Variants in CRACD observed in about 807,000 individuals in gnomAD.
CRACD encodes the protein capping protein inhibiting regulator of actin dynamics.
In CRACD, 56 loss-of-function variants were observed where a neutral mutation model predicts 106.8. The observed-to-expected ratio is 0.52, with a 90% CI of 0.42 to 0.66. The LOEUF is 0.66. Ranked by LOEUF, CRACD falls within the 30% of genes least tolerant of loss-of-function variation. CRACD has a pLI of 0.00. For missense variants in CRACD, 1,730 were observed against 1,623.2 expected, an observed-to-expected ratio of 1.07 and a Z score of -1.13; for synonymous variants, 754 against 670.8, an observed-to-expected ratio of 1.12 and a Z score of -1.92.
In CRACD at chr4:56,330,516, T is replaced by A. The variant is rs555733269; in HGVS notation, c.*2712T>A. ...TAATGAAAATACCTTAGTGTGATTTTAATATAATTTGCATATTTTAGTTGT... is the reference window on the plus strand; with the variant it reads ...TAATGAAAATACCTTAGTGTGATTTAAATATAATTTGCATATTTTAGTTGT... On this transcript the variant is annotated 3_prime_UTR_variant, in exon 11 of 11. Coordinates refer to ENST00000682029, the MANE Select transcript of CRACD (RefSeq NM_001393381.1). 1.1e-4 allele frequency among the ~76,000 whole-genome samples: 16 copies of A among 152,332 alleles called. No individual in the cohort carries two copies. Among genetic ancestry groups the A allele is most frequent in the African/African-American group, 3.8e-4 (16 of 41,580 alleles).
intron 1 of CRACD, among the ~76,000 whole-genome samples, chr4:56,053,586 G>A (rs544264749): frequency 2.7e-4 from 41 of 152,156 alleles, no homozygotes; most frequent in Non-Finnish European, 5.0e-4. Flanking sequence ...GCTATTATAT[G>A]TAGGAGTGTA....
intron 1 of CRACD, among the ~76,000 whole-genome samples, chr4:56,070,449 G>A (rs954359228): frequency 6.6e-5 from 10 of 152,108 alleles, no homozygotes; most frequent in African/African-American, 1.7e-4. Flanking sequence ...ACAGGCGCCC[G>A]CCATCGCATC....
intron 3 of CRACD, among the ~76,000 whole-genome samples, chr4:56,274,550 G>C (rs1742563089): frequency 6.6e-6 from 1 of 152,108 alleles, no homozygotes; most frequent in African/African-American, 2.4e-5. Context: ...TAAGGTTTCA[G>C]GTTTTACAAA....
In CRACD at chr4:56,270,809, C is replaced by T. The variant is rs542509952; in HGVS notation, c.-188-1512C>T. Among the ~76,000 whole-genome samples, 23 of 152,154 alleles carry T rather than the reference C, an allele frequency of 1.5e-4. No individual in the cohort carries two copies. In the South Asian group the frequency reaches 4.6e-3, roughly 30 times the overall value. On this transcript the variant is annotated intron_variant, in intron 2 of 10. Coordinates refer to ENST00000682029, the MANE Select transcript of CRACD (RefSeq NM_001393381.1). ...TTAAAACATGTTTTTAGGCCAGGCC[C>T]AGTGGTTCACGCCTGTAATCACAGC...
chr4:56,050,716 A>G (rs1418473330), intron 1 of CRACD, among the ~76,000 whole-genome samples: 2 of 151,950 alleles, frequency 1.3e-5, no homozygotes, highest in Non-Finnish European at 2.9e-5. Context: ...GAAAAATATA[A>G]TATGGTTGCA....
intron 8 of CRACD, among the ~76,000 whole-genome samples, chr4:56,319,935 A>G: frequency 6.6e-6 from 1 of 152,112 alleles, no homozygotes; most frequent in East Asian, 1.9e-4. Context: ...CAGTTTGGGA[A>G]GCCAAGGCGG....
Position 56,128,310 on chromosome 4 carries a change from G to A in CRACD, c.-335-50974G>A, listed in dbSNP as rs147707276. Among the ~76,000 whole-genome samples the A allele has an allele frequency of 1.1e-4, 17 of 152,306 alleles. No homozygotes were observed. The East Asian group carries it at 3.1e-3, about 28-fold the overall frequency. ...GCTTTCCATAGAGCATAAAGTGTCTGCAAAGCATGACTTAAAGACTTCTGA... is the reference window on the plus strand; with the variant it reads ...GCTTTCCATAGAGCATAAAGTGTCTACAAAGCATGACTTAAAGACTTCTGA... On this transcript the variant is annotated intron_variant, in intron 1 of 10. Transcript: ENST00000682029.
At chr4:56,052,857 C>T (rs1396950145) in intron 1 of CRACD, among the ~76,000 whole-genome samples, 2 of 152,188 alleles carry the variant, frequency 1.3e-5, no homozygotes, top group Non-Finnish European at 2.9e-5. Flanking sequence ...TGTTTCATTT[C>T]TTCCTTAACA....
At chr4:56,142,338 T>C (rs1294135290) in intron 1 of CRACD, among the ~76,000 whole-genome samples, 1 of 152,200 alleles carries the variant, frequency 6.6e-6, no homozygotes, top group African/African-American at 2.4e-5. Flanking sequence ...TGGTGGCATT[T>C]AGGTTGATTT....
At chr4:56,098,833 C>T (rs1733681896) in intron 1 of CRACD, among the ~76,000 whole-genome samples, 1 of 152,074 alleles carries the variant, frequency 6.6e-6, no homozygotes, top group Non-Finnish European at 1.5e-5. Context: ...CACCACCACG[C>T]CCGGCTAATT....
chr4:56,310,720 G>C lies in CRACD; in HGVS notation c.340G>C (p.Glu114Gln). ...SPLNLPGAGS[E>Q]MEEKVAPVKP... ...TCTGAATCTCCCTGGAGCTGGAAGTGAGATGGAAGAGAAGGTAATATGATT... is the reference window on the plus strand; with the variant it reads ...TCTGAATCTCCCTGGAGCTGGAAGTCAGATGGAAGAGAAGGTAATATGATT... The change falls in exon 6 of 11, where the codon GAG becomes CAG. Residue 114 changes from glutamate (E) to glutamine (Q), a missense_variant. This residue lies in a region of CRACD where 1,620 missense variants were observed against 1,481.6 expected (regional missense o/e 1.09). Transcript: ENST00000682029. 6.2e-7 allele frequency: 1 copy of C among 1,606,298 alleles called. No individual in the cohort carries two copies. Among genetic ancestry groups the C allele is most frequent in the African/African-American group, 1.3e-5 (1 of 74,804 alleles).
At chr4:56,258,558 A>G (rs967681520) in intron 2 of CRACD, among the ~76,000 whole-genome samples, 1 of 152,130 alleles carries the variant, frequency 6.6e-6, no homozygotes, top group Non-Finnish European at 1.5e-5. Context: ...TGACTGAGGG[A>G]GAGAAAACTC....
At chr4:56,266,220 A>G (rs181650567) in intron 2 of CRACD, among the ~76,000 whole-genome samples, 18 of 152,328 alleles carry the variant, frequency 1.2e-4, no homozygotes, top group Non-Finnish European at 2.2e-4. Flanking sequence ...AAATGCTGAA[A>G]TATTAAGAAA....
At chr4:56,114,028 T>C (rs184739446) in intron 1 of CRACD, among the ~76,000 whole-genome samples, 1 of 152,092 alleles carries the variant, frequency 6.6e-6, no homozygotes, top group Non-Finnish European at 1.5e-5. Context: ...ATTTGGAGTA[T>C]GTTCATCATA....
chr4:56,052,122 C>G (rs1731899412), intron 1 of CRACD, among the ~76,000 whole-genome samples: 1 of 152,066 alleles, frequency 6.6e-6, no homozygotes, highest in South Asian at 2.1e-4. Context: ...AGGCTGGTCT[C>G]AAGCAATCCT....
At chr4:56,214,615 C>T (rs1354947914) in intron 2 of CRACD, among the ~76,000 whole-genome samples, 5 of 148,758 alleles carry the variant, frequency 3.4e-5, no homozygotes, top group South Asian at 2.1e-4. Context: ...AGAGACATAT[C>T]GCACCACTGC....
chr4:56,175,305 T>G (rs963996718), intron 1 of CRACD, among the ~76,000 whole-genome samples: 12 of 152,196 alleles, frequency 7.9e-5, no homozygotes, highest in African/African-American at 2.9e-4. Context: ...GTACAAACAT[T>G]CTCCTTTCTC....
intron 1 of CRACD, among the ~76,000 whole-genome samples, chr4:56,100,439 A>T (rs1157549047): frequency 6.6e-6 from 1 of 152,216 alleles, no homozygotes. Context: ...TTACAGAATT[A>T]GAGTAACTTT....
At chr4:56,292,848 T>A (rs1743780155) in intron 3 of CRACD, among the ~76,000 whole-genome samples, 2 of 151,914 alleles carry the variant, frequency 1.3e-5, no homozygotes, top group Admixed American at 1.3e-4. Flanking sequence ...TGAGGCATGA[T>A]GTGTGAAGTC....
Sources: allele counts gnomAD v4.1 joint callset (sites outside exome capture counted in the v4.1 genomes callset), GRCh38; gene constraint gnomAD v4.1.1; regional missense constraint gnomAD v4.1.1; transcripts MANE v1.5; gene names NCBI Gene and HGNC (gene_info 2026-07-23, HGNC 2026-07-21).